GPLD1: variants seen among roughly 807,000 people sequenced by gnomAD.
The protein encoded by GPLD1 is phosphatidylinositol-glycan-specific phospholipase D.
In GPLD1, 84 loss-of-function variants were observed where a neutral mutation model predicts 112.6. That is an observed-to-expected ratio of 0.75 (90% CI 0.63 to 0.89). GPLD1 has a LOEUF of 0.89. Among genes scored for constraint, GPLD1 ranks in the 40% least tolerant of loss-of-function variants. The pLI is 0.00. For synonymous variants in GPLD1, 386 were observed against 403.8 expected, an observed-to-expected ratio of 0.96 and a Z score of 0.53; for missense variants, 1,044 against 1,051.5, an observed-to-expected ratio of 0.99 and a Z score of 0.10.
chr6:24,429,205 G>A, intron 24 of GPLD1, 87 bp from the exon 25 acceptor site: 1 of 737,228 alleles, frequency 1.4e-6, no homozygotes, highest in Non-Finnish European at 2.2e-6. Flanking sequence ...CTATGCTCTA[G>A]AAATATAAAG....
At chr6:24,482,234 G>C (rs539146137) in intron 2 of GPLD1, among the ~76,000 whole-genome samples, 143 of 151,550 alleles carry the variant, frequency 9.4e-4, no homozygotes, top group Non-Finnish European at 1.8e-3. Context: ...CTGAGTAGCT[G>C]GGATTACAGG....
Position 24,436,729 on chromosome 6 carries a change from G to T in GPLD1, c.2205C>A (p.Ile735=), listed in dbSNP as rs1581731324. The change falls in exon 22 of 25, where the codon ATC becomes ATA. Residue 735 remains isoleucine (I), a synonymous_variant. Transcript: ENST00000230036. ...CTATCCTCAGGGGGGCTGCCATGAT[G>T]ATTTCATCTGAAAACAATAAAAACC... is the stretch of plus-strand genomic sequence containing the variant. ...SDLDDDGLDE[I]IMAAPLRIAD... is the part of the protein sequence containing the mutation. 1.9e-6 allele frequency: 3 copies of T among 1,612,520 alleles called. No individual in the cohort carries two copies. The highest frequency in any genetic ancestry group is 2.7e-5 in the African/African-American group (2 of 74,962).
intron 20 of GPLD1, among the ~76,000 whole-genome samples, chr6:24,439,689 A>C (rs1266951450): frequency 6.6e-6 from 1 of 152,220 alleles, no homozygotes; most frequent in Non-Finnish European, 1.5e-5. Context: ...GAAAAAACTC[A>C]AGGTAATGTT....
chr6:24,453,434 G>A (rs1299710784), intron 14 of GPLD1, among the ~76,000 whole-genome samples: 1 of 152,134 alleles, frequency 6.6e-6, no homozygotes, highest in East Asian at 1.9e-4. Flanking sequence ...TCAGGAGTTT[G>A]AGACCAGACT....
At chr6:24,474,206 C>CACACATAT (rs1386205113) in intron 5 of GPLD1, among the ~76,000 whole-genome samples, 2,151 of 120,708 alleles carry the variant, frequency 0.018, 40 homozygotes, top group African/African-American at 0.049. Context: ...CACACACACA[C>CACACATAT]ATATATATGC....
upstream of GPLD1, among the ~76,000 whole-genome samples, chr6:24,490,364 A>G (rs527876324): frequency 6.6e-6 from 1 of 152,354 alleles, no homozygotes; most frequent in East Asian, 1.9e-4. Context: ...CAAATTATGC[A>G]TATTTTACAT....
chr6:24,486,744 G>C, intron 1 of GPLD1, among the ~76,000 whole-genome samples: 1 of 152,110 alleles, frequency 6.6e-6, no homozygotes, highest in Middle Eastern at 3.2e-3. Flanking sequence ...CTTGAACCCA[G>C]GAGGCAGAGG....
At chr6:24,466,002 G>A (rs1180364870) in intron 10 of GPLD1, among the ~76,000 whole-genome samples, 1 of 152,166 alleles carries the variant, frequency 6.6e-6, no homozygotes, top group African/African-American at 2.4e-5. Context: ...GCCACTCTGG[G>A]ACCTGTGGAG....
At chr6:24,437,057 C>T in intron 21 of GPLD1, 56 bp downstream of exon 21, 4 of 1,501,434 alleles carry the variant, frequency 2.7e-6, no homozygotes, top group Non-Finnish European at 3.7e-6. Context: ...ATTAGGGGAC[C>T]CACCCCCTGG....
At position 24,427,899 on chromosome 6, in the gene GPLD1, C is replaced by G. The variant is rs116016873; in HGVS notation, c.*1133G>C. Among the ~76,000 whole-genome samples the G allele has an allele frequency of 0.12, 17,812 of 147,930 alleles. 1,434 individuals are homozygous for G. The highest frequency in any genetic ancestry group is 0.16 in the East Asian group (807 of 5,092). The stretch of plus-strand genomic sequence containing the variant: ...CATCCTTAGCAAACTAACACACGAC[C>G]AGGAACAGAAAACCAAATACCAAGT... On this transcript the variant is annotated 3_prime_UTR_variant, in exon 25 of 25. Coordinates refer to ENST00000230036, the MANE Select transcript of GPLD1 (RefSeq NM_001503.4).
At chr6:24,437,375 G>C in intron 20 of GPLD1, 86 bp from the exon 21 acceptor site, 4 of 1,231,210 alleles carry the variant, frequency 3.2e-6, no homozygotes, top group South Asian at 1.3e-5. Context: ...AAGTGACACT[G>C]ATCACTCGGG....
intron 20 of GPLD1, among the ~76,000 whole-genome samples, chr6:24,443,495 A>C (rs1765017048): frequency 6.6e-6 from 1 of 152,118 alleles, no homozygotes; most frequent in African/African-American, 2.4e-5. Context: ...CATTTATGAG[A>C]AACAGTTTTG....
In GPLD1 at chr6:24,445,707, T is replaced by G; in HGVS notation, c.1926+19A>C. 1 of 1,605,938 alleles carries G rather than the reference T, an allele frequency of 6.2e-7. No individual in the cohort carries two copies. The highest frequency in any genetic ancestry group is 8.5e-7 in the Non-Finnish European group (1 of 1,172,632). Reference sequence around the variant, plus strand: ...TCCTTGGAGTGTCCACTCTCCTGTGTGGGGAGGGCTTGTCATACCTTGTCT... The same window carrying G: ...TCCTTGGAGTGTCCACTCTCCTGTGGGGGGAGGGCTTGTCATACCTTGTCT... On this transcript the variant is annotated intron_variant, in intron 19 of 24. Transcript: ENST00000230036.
intron 10 of GPLD1, among the ~76,000 whole-genome samples, chr6:24,464,658 C>G (rs574781726): frequency 6.6e-6 from 1 of 152,334 alleles, no homozygotes; most frequent in East Asian, 1.9e-4. Flanking sequence ...GATCTACATT[C>G]TGTAGGCCAT....
upstream of GPLD1, among the ~76,000 whole-genome samples, chr6:24,492,004 A>G (rs1280385211): frequency 6.6e-6 from 1 of 152,200 alleles, no homozygotes; most frequent in Non-Finnish European, 1.5e-5. Flanking sequence ...GCATATGGAA[A>G]TATTTTTCTT....
chr6:24,492,740 A>G (rs1291340570), upstream of GPLD1, among the ~76,000 whole-genome samples: 1 of 152,064 alleles, frequency 6.6e-6, no homozygotes, highest in Non-Finnish European at 1.5e-5. Context: ...GACAGGAGCC[A>G]GGAGGAAATT....
chr6:24,431,958 C>G (rs74207041), intron 24 of GPLD1, among the ~76,000 whole-genome samples: 17,532 of 151,994 alleles, frequency 0.12, 1,322 homozygotes, highest in East Asian at 0.16. Flanking sequence ...GCTACACATA[C>G]GTACAAGAAT....
At chr6:24,493,072 C>T (rs924260008), upstream of GPLD1, among the ~76,000 whole-genome samples, 13 of 152,080 alleles carry the variant, frequency 8.5e-5, no homozygotes, top group Admixed American at 3.9e-4. Context: ...GGAGTGGGTA[C>T]CGTTTGAAAT....
intron 20 of GPLD1, among the ~76,000 whole-genome samples, chr6:24,442,422 A>ATTTTTTTT (rs71002496): frequency 1.6e-4 from 10 of 60,638 alleles, no homozygotes; most frequent in South Asian, 6.6e-4. Context: ...CATCTGGCTA[A>ATTTTTTTT]TTTTTTTTTT....
Sources: allele counts gnomAD v4.1 joint callset (sites outside exome capture counted in the v4.1 genomes callset), GRCh38; gene constraint gnomAD v4.1.1; transcripts MANE v1.5; gene names NCBI Gene and HGNC (gene_info 2026-07-23, HGNC 2026-07-21).